RBFOX2: variants seen among roughly 807,000 people sequenced by gnomAD.
RBFOX2 encodes RNA binding fox-1 homolog 2, also known as RNA binding protein fox-1 homolog 2.
A neutral mutation model predicts 49.1 loss-of-function variants in RBFOX2; 10 were observed. That is an observed-to-expected ratio of 0.20 (90% CI 0.13 to 0.35). The LOEUF (loss-of-function observed/expected upper bound fraction) is 0.35. RBFOX2 is among the 10% of genes least tolerant of loss of function. The pLI, the probability that RBFOX2 is intolerant of heterozygous loss-of-function variation, is 1.00. For missense variants in RBFOX2, 323 were observed against 486.9 expected (o/e 0.66, Z 3.17); for synonymous variants, 183 against 187.4 (o/e 0.98, Z 0.19).
At chr22:35,952,633 C>T (rs2055078476) in intron 1 of RBFOX2, among the ~76,000 whole-genome samples, 1 of 152,154 alleles carries the variant, frequency 6.6e-6, no homozygotes. Flanking sequence ...ATCTGAGATA[C>T]AGAGCTCTAA....
chr22:36,011,213 A>C (rs1294133749), intron 1 of RBFOX2, among the ~76,000 whole-genome samples: 1 of 152,216 alleles, frequency 6.6e-6, no homozygotes, highest in Non-Finnish European at 1.5e-5. Context: ...AAAAAAGACC[A>C]GGGGCAGCTG....
intron 1 of RBFOX2, among the ~76,000 whole-genome samples, chr22:35,824,141 G>A (rs547048934): frequency 6.6e-6 from 1 of 151,726 alleles, no homozygotes; most frequent in Non-Finnish European, 1.5e-5. Flanking sequence ...AGGATGAGAC[G>A]GACGAGACTC....
At chr22:35,823,701 T>A (rs1005166237) in intron 1 of RBFOX2, among the ~76,000 whole-genome samples, 1 of 152,242 alleles carries the variant, frequency 6.6e-6, no homozygotes. Flanking sequence ...AAAAAACTTT[T>A]AAGAACTCGA....
At chr22:35,976,105 C>T (rs1273308144) in intron 1 of RBFOX2, among the ~76,000 whole-genome samples, 2 of 152,132 alleles carry the variant, frequency 1.3e-5, no homozygotes, top group East Asian at 3.8e-4. Context: ...CAATAAATCG[C>T]ATCCCCTCTC....
chr22:35,965,343 A>C (rs558316457), upstream of RBFOX2, among the ~76,000 whole-genome samples: 7 of 152,320 alleles, frequency 4.6e-5, no homozygotes, highest in East Asian at 1.4e-3. Flanking sequence ...TTTTCTACCT[A>C]ACCCAAATTA....
At chr22:35,954,734 G>T (rs1040922788) in intron 1 of RBFOX2, among the ~76,000 whole-genome samples, 2 of 152,202 alleles carry the variant, frequency 1.3e-5, no homozygotes, top group Non-Finnish European at 2.9e-5. Flanking sequence ...AACTTGGTAG[G>T]AATGCAAAGG....
chr22:35,763,914 G>A (rs539783546), intron 6 of RBFOX2, among the ~76,000 whole-genome samples: 1 of 152,188 alleles, frequency 6.6e-6, no homozygotes, highest in Non-Finnish European at 1.5e-5. Flanking sequence ...GAAGGAGAAC[G>A]TCTGTTTTCT....
intron 1 of RBFOX2, among the ~76,000 whole-genome samples, chr22:36,024,901 G>A (rs1308085509): frequency 6.6e-6 from 1 of 151,734 alleles, no homozygotes; most frequent in African/African-American, 2.4e-5. Context: ...TCCGCCTCCC[G>A]AGTTCAAGTG....
chr22:35,932,834 T>C (rs984977459), intron 1 of RBFOX2, among the ~76,000 whole-genome samples: 1 of 152,198 alleles, frequency 6.6e-6, no homozygotes. Context: ...TGAGCCAAGA[T>C]TGCGCCACTT....
intron 1 of RBFOX2, among the ~76,000 whole-genome samples, chr22:35,901,200 T>C (rs1423321973): frequency 6.6e-6 from 1 of 152,146 alleles, no homozygotes; most frequent in Non-Finnish European, 1.5e-5. Context: ...GAGCCAAAAG[T>C]TCAACGTTCG....
At chr22:35,971,372 G>C (rs1485313363) in intron 1 of RBFOX2, among the ~76,000 whole-genome samples, 1 of 152,020 alleles carries the variant, frequency 6.6e-6, no homozygotes, top group Non-Finnish European at 1.5e-5. Flanking sequence ...TCAAAAAAAT[G>C]AAAAATAAAG....
chr22:35,892,744 A>T (rs976830256), intron 1 of RBFOX2, among the ~76,000 whole-genome samples: 2 of 152,204 alleles, frequency 1.3e-5, no homozygotes, highest in Non-Finnish European at 2.9e-5. Flanking sequence ...TTTTTCAGGC[A>T]TATCTACTGT....
intron 1 of RBFOX2, among the ~76,000 whole-genome samples, chr22:36,021,432 A>C (rs1268566982): frequency 6.6e-6 from 1 of 152,090 alleles, no homozygotes; most frequent in East Asian, 1.9e-4. Flanking sequence ...AAAACAGAGA[A>C]GGGACATATA....
upstream of RBFOX2, chr22:35,939,140 A>G: frequency 3.0e-6 from 2 of 666,092 alleles, no homozygotes; most frequent in Non-Finnish European, 5.5e-6. Context: ...ATGCAGCTAA[A>G]TCTGTTTCCT....
At chr22:35,939,117 C>A (rs1344906284), upstream of RBFOX2, 2 of 690,130 alleles carry the variant, frequency 2.9e-6, no homozygotes, top group East Asian at 5.5e-5. Context: ...TTCATAAAAA[C>A]TATTTCTTCC....
At chr22:35,914,120 C>A (rs959424417) in intron 1 of RBFOX2, among the ~76,000 whole-genome samples, 1 of 152,074 alleles carries the variant, frequency 6.6e-6, no homozygotes, top group African/African-American at 2.4e-5. Context: ...TTTAGCCAGC[C>A]TAGTGGAATG....
At chr22:35,900,810 A>T (rs1166733753) in intron 1 of RBFOX2, among the ~76,000 whole-genome samples, 1 of 152,188 alleles carries the variant, frequency 6.6e-6, no homozygotes, top group Admixed American at 6.5e-5. Context: ...AAATCATATG[A>T]TAACAAAAGC....
intron 5 of RBFOX2, 36 bp downstream of exon 6, chr22:35,768,221 A>G: frequency 6.3e-7 from 1 of 1,598,338 alleles, no homozygotes; most frequent in Non-Finnish European, 8.6e-7. Context: ...AGAAATAAAA[A>G]TATAAACCAG....
At chr22:35,862,377 A>C (rs58286901) in intron 1 of RBFOX2, among the ~76,000 whole-genome samples, 1 of 92,028 alleles carries the variant, frequency 1.1e-5, no homozygotes, top group Non-Finnish European at 2.4e-5. Flanking sequence ...TTTTCTTTGG[A>C]GGGGGGGGGG....
Sources: gnomAD v4.1 joint callset for allele counts (sites outside exome capture counted in the v4.1 genomes callset) on GRCh38, gnomAD v4.1.1 for gene constraint, MANE v1.5 for transcripts, NCBI Gene and HGNC (gene_info 2026-07-23, HGNC 2026-07-21) for gene names.